Variants in WDFY2 observed in about 807,000 individuals in gnomAD.
WDFY2 encodes WD repeat and FYVE domain-containing protein 2.
A neutral mutation model predicts 56.4 loss-of-function variants in WDFY2; 36 were observed. The observed-to-expected ratio is 0.64, with a 90% confidence interval of 0.49 to 0.84. The LOEUF (loss-of-function observed/expected upper bound fraction) is 0.84, where lower values mean the gene tolerates loss of function less well. WDFY2 is among the 40% of genes least tolerant of loss of function. The pLI, the probability that WDFY2 is intolerant of heterozygous loss-of-function variation, is 0.00. For synonymous variants in WDFY2, 176 were observed against 183.7 expected (o/e 0.96, Z 0.34); for missense variants, 444 against 512.2 (o/e 0.87, Z 1.29).
intron 1 of WDFY2, among the ~76,000 whole-genome samples, chr13:51,617,950 T>G (rs1277062162): frequency 6.6e-6 from 1 of 152,230 alleles, no homozygotes; most frequent in African/African-American, 2.4e-5. Context: ...TTCTATTTAC[T>G]GTTAATTTCA....
At chr13:51,756,587 G>A in intron 10 of WDFY2, 125 bp downstream of exon 10, 6 of 1,400,578 alleles carry the variant, frequency 4.3e-6, no homozygotes, top group Non-Finnish European at 5.6e-6. Flanking sequence ...ATAGTCCACG[G>A]CAAGCAGTAA....
intron 1 of WDFY2, among the ~76,000 whole-genome samples, chr13:51,652,494 T>C (rs549124980): frequency 6.6e-6 from 1 of 152,370 alleles, no homozygotes; most frequent in African/African-American, 2.4e-5. Context: ...AGTTTCTTCC[T>C]AGCCTCGATG....
intron 1 of WDFY2, among the ~76,000 whole-genome samples, chr13:51,601,314 G>C (rs1445179483): frequency 2.0e-5 from 3 of 151,964 alleles, no homozygotes; most frequent in Admixed American, 6.6e-5. Context: ...TTAATACTAG[G>C]TTACTCTTTC....
At chr13:51,649,172 G>A (rs1173894119) in intron 1 of WDFY2, among the ~76,000 whole-genome samples, 2 of 152,110 alleles carry the variant, frequency 1.3e-5, no homozygotes, top group Non-Finnish European at 2.9e-5. Context: ...AAAATAAATA[G>A]CCCAGTTGCT....
intron 1 of WDFY2, among the ~76,000 whole-genome samples, chr13:51,601,511 T>C (rs1297545997): frequency 1.3e-5 from 2 of 151,040 alleles, no homozygotes; most frequent in Non-Finnish European, 2.9e-5. Flanking sequence ...GCCTCCGGGG[T>C]TCAAGCGATT....
chr13:51,689,135 T>A (rs1400868405), intron 3 of WDFY2, among the ~76,000 whole-genome samples: 2 of 152,202 alleles, frequency 1.3e-5, no homozygotes, highest in African/African-American at 2.4e-5. Context: ...TCCAAACCTG[T>A]GTGTCTTTTC....
At chr13:51,632,425 C>T (rs1392979584) in intron 1 of WDFY2, among the ~76,000 whole-genome samples, 1 of 152,048 alleles carries the variant, frequency 6.6e-6, no homozygotes, top group Admixed American at 6.5e-5. Flanking sequence ...CTATTAGACA[C>T]AGATTTGATC....
chr13:51,740,143 G>A (rs1952935361), intron 7 of WDFY2, among the ~76,000 whole-genome samples: 1 of 152,208 alleles, frequency 6.6e-6, no homozygotes, highest in Admixed American at 6.5e-5. Flanking sequence ...CTAGTTTGGA[G>A]TTGTTGGACA....
chr13:51,679,624 T>C (rs138799366), intron 3 of WDFY2, among the ~76,000 whole-genome samples: 199 of 152,316 alleles, frequency 1.3e-3, no homozygotes, highest in African/African-American at 4.7e-3. Context: ...ACTCTTACAG[T>C]ATACATTACT....
intron 1 of WDFY2, among the ~76,000 whole-genome samples, chr13:51,649,335 C>T (rs148318576): frequency 2.8e-4 from 42 of 151,470 alleles, no homozygotes; most frequent in Middle Eastern, 7.0e-3. Flanking sequence ...ATGGACTGTG[C>T]GGTGCATTTG....
intron 2 of WDFY2, among the ~76,000 whole-genome samples, 192 bp downstream of exon 2, chr13:51,660,855 A>G (rs919396833): frequency 1.3e-5 from 2 of 152,210 alleles, no homozygotes; most frequent in African/African-American, 4.8e-5. Context: ...AATTGACTCT[A>G]TATTCATAGC....
At chr13:51,704,330 T>G (rs189182633) in intron 4 of WDFY2, among the ~76,000 whole-genome samples, 6 of 152,374 alleles carry the variant, frequency 3.9e-5, no homozygotes, top group Admixed American at 3.9e-4. Flanking sequence ...CTCTTTATTC[T>G]TTAATTTTCT....
intron 1 of WDFY2, among the ~76,000 whole-genome samples, chr13:51,627,168 C>T (rs1233429148): frequency 1.3e-5 from 2 of 152,248 alleles, no homozygotes; most frequent in African/African-American, 4.8e-5. Context: ...AGCTTGGAGA[C>T]ACCAGGAACT....
chr13:51,693,574 A>G (rs1951794838), intron 3 of WDFY2, among the ~76,000 whole-genome samples: 1 of 152,062 alleles, frequency 6.6e-6, no homozygotes, highest in Admixed American at 6.5e-5. Flanking sequence ...CTGTTCTTTT[A>G]CATTTGCTGA....
intron 7 of WDFY2, among the ~76,000 whole-genome samples, chr13:51,742,936 C>T (rs1248941081): frequency 6.6e-6 from 1 of 152,160 alleles, no homozygotes; most frequent in Non-Finnish European, 1.5e-5. Context: ...AAGAAATAGG[C>T]CACTTGTAAA....
chr13:51,646,603 G>C (rs750213505), intron 1 of WDFY2, among the ~76,000 whole-genome samples: 1 of 152,188 alleles, frequency 6.6e-6, no homozygotes, highest in Non-Finnish European at 1.5e-5. Flanking sequence ...CCTAGTAGGT[G>C]TTTGATAAAT....
chr13:51,611,343 G>T (rs558313015), intron 1 of WDFY2, among the ~76,000 whole-genome samples: 1 of 152,292 alleles, frequency 6.6e-6, no homozygotes, highest in Non-Finnish European at 1.5e-5. Context: ...ACATTTTACT[G>T]TGTTAGAAAT....
intron 1 of WDFY2, among the ~76,000 whole-genome samples, chr13:51,628,919 G>C (rs1954894539): frequency 6.6e-6 from 1 of 152,226 alleles, no homozygotes; most frequent in South Asian, 2.1e-4. Flanking sequence ...TGTATGCTCT[G>C]TGGGACTTTT....
At chr13:51,746,138 T>C (rs1440962111) in intron 7 of WDFY2, among the ~76,000 whole-genome samples, 1 of 151,948 alleles carries the variant, frequency 6.6e-6, no homozygotes, top group Non-Finnish European at 1.5e-5. Flanking sequence ...TGTGCCACCA[T>C]GCCCAGCTAA....
Sources: gnomAD v4.1 joint callset for allele counts (sites outside exome capture counted in the v4.1 genomes callset) on GRCh38, gnomAD v4.1.1 for gene constraint, MANE v1.5 for transcripts, NCBI Gene and HGNC (gene_info 2026-07-23, HGNC 2026-07-21) for gene names.